The following ERICH3 variants were observed in gnomAD, a reference collection of about 807,000 sequenced individuals.
ERICH3 encodes the protein glutamate rich 3.
A neutral mutation model predicts 131.1 loss-of-function variants in ERICH3; 126 were observed. The observed-to-expected ratio is 0.96, with a 90% CI of 0.83 to 1.11. ERICH3 has a LOEUF of 1.11. Ranked by LOEUF, ERICH3 falls within the 50% of genes most tolerant of loss-of-function variation. The pLI, the probability that ERICH3 is intolerant of heterozygous loss-of-function variation, is 0.00. For synonymous variants in ERICH3, 695 were observed against 644.6 expected (o/e 1.08, Z -1.18); for missense variants, 2,050 against 1,810.7 (o/e 1.13, Z -2.40).
chr1:74,631,669 A>G (rs1331519992), intron 7 of ERICH3, 44 bp downstream of exon 7: 1 of 1,480,584 alleles, frequency 6.8e-7, no homozygotes, highest in Non-Finnish European at 9.4e-7. Flanking sequence ...AGTGCAATGT[A>G]ATCTGAGATA....
Position 74,571,270 on chromosome 1 carries a change from C to A in ERICH3, c.4440G>T (p.Arg1480=). ...CCGGACTCAATTCCCTCTCTCCCTC[C>A]CGTGATAATCCTAATCGGAATTTTT... ...AAEKFRLGLS[R]EGERELSPES... is the part of the protein sequence containing the mutation. The change falls in exon 14 of 15, where the codon CGG becomes CGT. Residue 1480 remains arginine (R), a synonymous_variant. Coordinates refer to ENST00000326665, the MANE Select transcript of ERICH3 (RefSeq NM_001002912.5). 1 of 1,614,108 alleles carries A rather than the reference C, an allele frequency of 6.2e-7. No homozygotes were observed. Among genetic ancestry groups the A allele is most frequent in the Non-Finnish European group, 8.5e-7 (1 of 1,180,006 alleles).
At chr1:74,630,506 C>A (rs1649556838) in intron 7 of ERICH3, among the ~76,000 whole-genome samples, 1 of 152,162 alleles carries the variant, frequency 6.6e-6, no homozygotes, top group African/African-American at 2.4e-5. Flanking sequence ...GCTGTTCCTC[C>A]ACTCTGGGTC....
chr1:74,651,231 C>T (rs892560475), intron 1 of ERICH3, among the ~76,000 whole-genome samples: 4 of 152,026 alleles, frequency 2.6e-5, no homozygotes, highest in Non-Finnish European at 5.9e-5. Context: ...TCCTTAACAG[C>T]CCATCGCAGG....
intron 8 of ERICH3, among the ~76,000 whole-genome samples, chr1:74,616,097 G>A (rs1241529381): frequency 1.3e-5 from 2 of 152,096 alleles, no homozygotes; most frequent in African/African-American, 4.8e-5. Context: ...TGCCTCCTGG[G>A]TTCAAGCTAT....
At chr1:74,645,293 G>A (rs528153716) in intron 3 of ERICH3, among the ~76,000 whole-genome samples, 16 of 152,084 alleles carry the variant, frequency 1.1e-4, no homozygotes, top group African/African-American at 3.1e-4. Flanking sequence ...TTGCATGAGT[G>A]AATGCATGAA....
chr1:74,673,701 G>A lies in ERICH3; in HGVS notation c.-182C>T. 1 of 479,772 alleles carries A rather than the reference G, an allele frequency of 2.1e-6. No individual in the cohort carries two copies. 29.7% of individuals were successfully genotyped at this position (479,772 alleles called of 1,614,324 possible). A position where few individuals can be genotyped will look rare whatever the true frequency, so the allele number is the denominator to read the frequency against. ...CGCCCGGGCTACCCGCAGCCTCCCG[G>A]GCTCCCACCCTCCGTTGGTATCCAC... On this transcript the variant is annotated 5_prime_UTR_variant, in exon 1 of 15. Transcript: ENST00000326665.
intron 11 of ERICH3, among the ~76,000 whole-genome samples, chr1:74,599,135 G>A (rs924766133): frequency 2.0e-5 from 3 of 151,942 alleles, no homozygotes; most frequent in Non-Finnish European, 2.9e-5. Context: ...ACACTGAACT[G>A]TGGAAATGGA....
intron 1 of ERICH3, among the ~76,000 whole-genome samples, chr1:74,655,963 G>T (rs1031447269): frequency 3.3e-5 from 5 of 152,136 alleles, no homozygotes; most frequent in Non-Finnish European, 7.4e-5. Flanking sequence ...CCTTCTCACT[G>T]CATCACTGAA....
At chr1:74,643,301 G>A (rs976735296) in intron 3 of ERICH3, among the ~76,000 whole-genome samples, 2 of 152,022 alleles carry the variant, frequency 1.3e-5, no homozygotes, top group African/African-American at 4.8e-5. Flanking sequence ...CATATATTAA[G>A]CAGTTAAAAG....
Position 74,572,775 on chromosome 1 carries a change from C to T in ERICH3, c.2935G>A (p.Glu979Lys), listed in dbSNP as rs777281396. The T allele has an allele frequency of 1.9e-6, 3 of 1,613,876 alleles. No homozygotes were observed. Among genetic ancestry groups the T allele is most frequent in the Non-Finnish European group, 2.5e-6 (3 of 1,179,996 alleles). ...GSEEAILGGE[E>K]PAKERKEVMR... ...ACCTCTTTTCTCTCTTTGGCTGGTT[C>T]CTCTCCCCCAAGAATTGCCTCTTCA... The change falls in exon 14 of 15, where the codon GAA becomes AAA. Residue 979 changes from glutamate (E) to lysine (K), a missense_variant. By Grantham distance (56) the Glu-to-Lys change is moderately conservative. Coordinates refer to ENST00000326665, the MANE Select transcript of ERICH3 (RefSeq NM_001002912.5).
intron 8 of ERICH3, among the ~76,000 whole-genome samples, chr1:74,616,446 G>A (rs1424822764): frequency 1.3e-5 from 2 of 152,146 alleles, no homozygotes; most frequent in East Asian, 1.9e-4. Context: ...TGGCTAACTG[G>A]AAGTGGCATG....
intron 7 of ERICH3, among the ~76,000 whole-genome samples, chr1:74,629,668 C>G (rs967202736): frequency 2.0e-5 from 3 of 152,164 alleles, no homozygotes; most frequent in Non-Finnish European, 4.4e-5. Flanking sequence ...TCGCCAGATA[C>G]CTTGACACAC....
chr1:74,642,503 A>T (rs1646445578), intron 4 of ERICH3, among the ~76,000 whole-genome samples: 1 of 152,158 alleles, frequency 6.6e-6, no homozygotes, highest in African/African-American at 2.4e-5. Context: ...TTCACTGCAA[A>T]GAAGATATAT....
At position 74,571,536 on chromosome 1, in the gene ERICH3, C is replaced by T; in HGVS notation, c.4174G>A (p.Glu1392Lys). 1 of 1,614,178 alleles carries T rather than the reference C, an allele frequency of 6.2e-7. No individual in the cohort carries two copies. Among genetic ancestry groups the T allele is most frequent in the Non-Finnish European group, 8.5e-7 (1 of 1,180,008 alleles). Residue 1392 changes from glutamate to lysine, a missense_variant, in exon 14 of 15, where the codon GAG (glutamate) becomes AAG (lysine). Coordinates refer to ENST00000326665, the MANE Select transcript of ERICH3 (RefSeq NM_001002912.5). ...AEEETWHQQDELVGKTAAAGK... is the reference protein window; with the variant it reads ...AEEETWHQQDKLVGKTAAAGK... Reference sequence around the variant, plus strand: ...GCAGCTGCTGTTTTTCCTACTAACTCATCCTGTTGGTGCCAGGTTTCTTCC... The same window carrying T: ...GCAGCTGCTGTTTTTCCTACTAACTTATCCTGTTGGTGCCAGGTTTCTTCC...
chr1:74,654,455 A>G (rs1274457679), intron 1 of ERICH3, among the ~76,000 whole-genome samples: 2 of 151,934 alleles, frequency 1.3e-5, no homozygotes, highest in Non-Finnish European at 2.9e-5. Context: ...ACAGAATACC[A>G]TAGCCTAGGT....
Position 74,579,731 on chromosome 1 carries a change from C to T in ERICH3, c.2177-2795G>A, listed in dbSNP as rs535510393. 1.8e-5 allele frequency: 18 copies of T among 985,150 alleles called. No homozygotes were observed. The South Asian group carries it at 7.5e-4, about 41-fold the overall frequency. The allele number at this position is 985,150 out of a possible 1,614,324, so 61.0% of individuals were successfully genotyped here. On this transcript the variant is annotated intron_variant, in intron 12 of 14. Transcript: ENST00000326665. The stretch of plus-strand genomic sequence containing the variant: ...AAAGAGGACTGTGCATGCTGAGACT[C>T]CCATTTCAGCAATGTGACATATCAC...
Position 74,673,426 on chromosome 1 carries a change from A to C in ERICH3, c.23+71T>G, listed in dbSNP as rs917881926. On this transcript the variant is annotated intron_variant, in intron 1 of 14. Transcript: ENST00000326665. ...TCTCGCCCCTTCCCTCCGCAGCAGG[A>C]GGGAGGAGGAGGGGCAGCTGGCTGA... 6 of 1,560,128 alleles carry C rather than the reference A, an allele frequency of 3.8e-6. No individual in the cohort carries two copies. In the African/African-American group the frequency reaches 6.8e-5, roughly 18 times the overall value.
chr1:74,670,938 G>T (rs1646736743), intron 1 of ERICH3, among the ~76,000 whole-genome samples: 1 of 152,098 alleles, frequency 6.6e-6, no homozygotes. Context: ...CAGCTGCTCT[G>T]GGAGTGTCTG....
At position 74,609,225 on chromosome 1, in the gene ERICH3, G is replaced by A. The variant is rs75583067; in HGVS notation, c.1188-2323C>T. On this transcript the variant is annotated intron_variant, in intron 9 of 14. Transcript: ENST00000326665. ...TACAGTTGTGGAACCTTACACTTTG[G>A]AAGTGACCACTGCTCAGCTTTTCTT... Among the ~76,000 whole-genome samples, 1,181 of 152,092 alleles carry A rather than the reference G, an allele frequency of 7.8e-3. 18 individuals are homozygous for A. The highest frequency in any genetic ancestry group is 0.026 in the African/African-American group (1,091 of 41,510).
Sources: allele counts gnomAD v4.1 joint callset (sites outside exome capture counted in the v4.1 genomes callset), GRCh38; gene constraint gnomAD v4.1.1; transcripts MANE v1.5; gene names NCBI Gene and HGNC (gene_info 2026-07-23, HGNC 2026-07-21).